Variants in MAP2K3 observed in about 807,000 individuals in gnomAD.
MAP2K3 encodes dual specificity mitogen-activated protein kinase kinase 3.
MAP2K3 carries 30 observed loss-of-function variants against 46.4 expected under a neutral mutation model. The ratio of observed to expected loss-of-function variants is 0.65; its 90% CI spans 0.48 to 0.88. The LOEUF (loss-of-function observed/expected upper bound fraction) is 0.88, where lower values mean the gene tolerates loss of function less well. MAP2K3 is among the 40% of genes least tolerant of loss of function. The pLI is 0.00. For synonymous variants in MAP2K3, 189 were observed against 176.3 expected (o/e 1.07, Z -0.57); for missense variants, 380 against 464.5 (o/e 0.82, Z 1.67).
chr17:21,312,918 CA>C (rs113429381), intron 10 of MAP2K3, among the ~76,000 whole-genome samples: 272 of 119,650 alleles, frequency 2.3e-3, no homozygotes, highest in Non-Finnish European at 2.4e-3. Flanking sequence ...GAGACTGTCT[CA>C]AAAAAAAAAA....
chr17:21,312,645 G>A (rs1597507295), intron 10 of MAP2K3, among the ~76,000 whole-genome samples: 2 of 152,168 alleles, frequency 1.3e-5, no homozygotes, highest in African/African-American at 2.4e-5. Context: ...GGCTGGGCAC[G>A]GTGGCTCACG....
intron 6 of MAP2K3, 48 bp downstream of exon 6, chr17:21,302,307 A>T: frequency 6.5e-7 from 1 of 1,526,802 alleles, no homozygotes; most frequent in Non-Finnish European, 9.1e-7. Context: ...GCATAGGCAG[A>T]GGCCCAGCCC....
chr17:21,307,465 C>CGT (rs1976947522), intron 9 of MAP2K3, among the ~76,000 whole-genome samples: 4 of 151,992 alleles, frequency 2.6e-5, no homozygotes, highest in Non-Finnish European at 4.4e-5. Flanking sequence ...GACCTGAGGG[C>CGT]AGGGTAGACC....
At chr17:21,304,388 C>T (rs1172259802) in intron 7 of MAP2K3, 38 bp from the exon 8 acceptor site, 1 of 1,614,200 alleles carries the variant, frequency 6.2e-7, no homozygotes. Context: ...TCCAGTCGTG[C>T]TCCACAGACG....
chr17:21,293,786 G>A (rs1216941977), intron 1 of MAP2K3, among the ~76,000 whole-genome samples: 3 of 152,428 alleles, frequency 2.0e-5, no homozygotes, highest in African/African-American at 7.2e-5. Context: ...GCCTGCAGTG[G>A]CCGTGTATGA....
chr17:21,314,191 T>A lies in MAP2K3; in HGVS notation c.1005T>A (p.Ile335=), dbSNP rs767699965. 7 of 1,614,038 alleles carry A rather than the reference T, an allele frequency of 4.3e-6. No individual in the cohort carries two copies. In the Admixed American group the frequency reaches 1.2e-4, roughly 27 times the overall value. The change falls in exon 12 of 12, where the codon ATT becomes ATA. Residue 335 remains isoleucine, a synonymous_variant. Coordinates refer to ENST00000342679, the MANE Select transcript of MAP2K3 (RefSeq NM_145109.3). ...FTLHKTKKTD[I]AAFVKEILGE... ...TGCACAAAACCAAGAAGACGGACAT[T>A]GCTGCCTTCGTGAAGGAGATCCTGG...
rs1272126302 is a variant in MAP2K3, at chr17:21,284,766, A to G, written c.-155A>G. The G allele has an allele frequency of 5.5e-6, 4 of 729,480 alleles. No individual in the cohort carries two copies. Among genetic ancestry groups the G allele is most frequent in the Admixed American group, 8.3e-5 (2 of 24,120 alleles). 45.2% of individuals were successfully genotyped at this position (729,480 alleles called of 1,614,324 possible). ...TCGTCCTTGCTGCAGTCGCCGCCGC[A>G]GTCCTCGCCGCAGTCGCCGCCGCCG... On this transcript the variant is annotated 5_prime_UTR_variant, in exon 1 of 12. Coordinates refer to ENST00000342679, the MANE Select transcript of MAP2K3 (RefSeq NM_145109.3).
chr17:21,293,106 A>C (rs1230114740), intron 1 of MAP2K3, among the ~76,000 whole-genome samples: 1 of 152,306 alleles, frequency 6.6e-6, no homozygotes, highest in African/African-American at 2.4e-5. Flanking sequence ...TGGGTGTTGT[A>C]GTGTGGGGGT....
intron 7 of MAP2K3, among the ~76,000 whole-genome samples, chr17:21,304,079 C>T (rs1976753908): frequency 1.3e-5 from 2 of 152,312 alleles, no homozygotes; most frequent in African/African-American, 4.8e-5. Flanking sequence ...TGGGAGCACC[C>T]ACACAAGCCA....
intron 6 of MAP2K3, 121 bp downstream of exon 6, chr17:21,302,380 C>T: frequency 1.8e-6 from 2 of 1,127,586 alleles, no homozygotes; most frequent in Middle Eastern, 2.3e-4. Context: ...ATCAATGTGC[C>T]CCCTGAACCT....
chr17:21,299,031 G>A (rs1976437475), intron 3 of MAP2K3, 105 bp downstream of exon 3: 3 of 1,533,548 alleles, frequency 2.0e-6, no homozygotes, highest in Admixed American at 1.7e-5. Context: ...AGGGGTCAGA[G>A]AGGGTCAGGC....
rs759854704 is a variant in MAP2K3 at position 21,300,960 on chromosome 17, C to A, written c.366C>A (p.Tyr122Ter). The A allele has an allele frequency of 1.2e-6, 2 of 1,614,054 alleles. No individual in the cohort carries two copies. The highest frequency in any genetic ancestry group is 1.7e-6 in the Non-Finnish European group (2 of 1,179,986). The change falls in exon 5 of 12, where the codon TAC (tyrosine) becomes TAA (stop). Residue 122 changes from tyrosine to a stop codon, truncating the protein, a stop_gained. Coordinates refer to ENST00000342679, the MANE Select transcript of MAP2K3 (RefSeq NM_145109.3). LOFTEE classifies it high-confidence loss of function. The stretch of plus-strand genomic sequence containing the variant: ...ACATGCGCACGGTCGACTGTTTCTA[C>A]ACTGTCACCTTCTACGGGGCACTAT... ...DINMRTVDCF[Y>*]TVTFYGALFR...
rs751951609 is a variant in MAP2K3, at chr17:21,303,173, C to T, written c.517-10C>T. On this transcript the variant is annotated splice_polypyrimidine_tract_variant and intron_variant, in intron 6 of 11. Coordinates refer to ENST00000342679, the MANE Select transcript of MAP2K3 (RefSeq NM_145109.3). ...TCCTGTCTCTTCCCTCCTCCCCACC[C>T]CACCGCCAGATCGTGCGGGCCCTGG... 1 of 1,614,244 alleles carries T rather than the reference C, an allele frequency of 6.2e-7. No individual in the cohort carries two copies. Among genetic ancestry groups the T allele is most frequent in the Non-Finnish European group, 8.5e-7 (1 of 1,180,046 alleles).
rs543771601 is a variant in MAP2K3, at chr17:21,314,478, G to A, written c.*248G>A. ...CCTCTCCCTGCTGCTCCTAGGACCC[G>A]TCTCCAGCTGCTGAGATCCTGGACT... On this transcript the variant is annotated 3_prime_UTR_variant, in exon 12 of 12. Coordinates refer to ENST00000342679, the MANE Select transcript of MAP2K3 (RefSeq NM_145109.3). 1.5e-5 allele frequency: 8 copies of A among 531,946 alleles called. No homozygotes were observed. The highest frequency in any genetic ancestry group is 1.3e-4 in the African/African-American group (7 of 52,194). 33.0% of individuals were successfully genotyped at this position (531,946 alleles called of 1,614,324 possible).
At chr17:21,298,353 A>C (rs757329806) in intron 1 of MAP2K3, 60 bp from the exon 2 acceptor site, 1 of 1,608,210 alleles carries the variant, frequency 6.2e-7, no homozygotes, top group South Asian at 1.1e-5. Context: ...GGCTCATGGG[A>C]GTGCAGGGGA....
intron 1 of MAP2K3, 91 bp from the exon 2 acceptor site, chr17:21,298,322 C>A: frequency 6.4e-7 from 1 of 1,570,198 alleles, no homozygotes; most frequent in Non-Finnish European, 8.8e-7. Flanking sequence ...AGGCTGGCAC[C>A]CTTGTGGGCC....
intron 1 of MAP2K3, among the ~76,000 whole-genome samples, chr17:21,293,621 G>C: frequency 6.6e-6 from 1 of 152,430 alleles, no homozygotes; most frequent in Admixed American, 6.5e-5. Flanking sequence ...GGGTAGAGAG[G>C]TGGGGAGGGT....
At chr17:21,293,431 T>C (rs998859539) in intron 1 of MAP2K3, among the ~76,000 whole-genome samples, 1 of 152,312 alleles carries the variant, frequency 6.6e-6, no homozygotes, top group African/African-American at 2.4e-5. Context: ...GCTGTTGGCA[T>C]TGGGCGGGAG....
chr17:21,287,898 C>T, intron 1 of MAP2K3: 1 of 518,978 alleles, frequency 1.9e-6, no homozygotes, highest in Non-Finnish European at 3.4e-6. Context: ...TATCCTAGCC[C>T]TGCCTGCTGT....
Sources: allele counts gnomAD v4.1 joint callset (sites outside exome capture counted in the v4.1 genomes callset), GRCh38; gene constraint gnomAD v4.1.1; transcripts MANE v1.5; gene names NCBI Gene and HGNC (gene_info 2026-07-23, HGNC 2026-07-21).